Variants in SMARCA1 observed in about 807,000 individuals in gnomAD.
The protein encoded by SMARCA1 is SNF2 related chromatin remodeling ATPase 1, also known as SWI/SNF-related matrix-associated actin-dependent regulator of chromatin subfamily A member 1.
In SMARCA1, 17 loss-of-function variants were observed where a neutral mutation model predicts 93.6. The ratio of observed to expected loss-of-function variants is 0.18; its 90% CI spans 0.12 to 0.27. The LOEUF is 0.27. Among genes scored for constraint, SMARCA1 ranks in the 10% least tolerant of loss-of-function variants. SMARCA1 has a pLI of 1.00. For synonymous variants in SMARCA1, 271 were observed against 271.4 expected, an observed-to-expected ratio of 1.00 and a Z score of 0.01; for missense variants, 630 against 819.0, an observed-to-expected ratio of 0.77 and a Z score of 2.82.
At chrX:129,489,984 T>C in intron 15 of SMARCA1, 76 bp downstream of exon 15, 1 of 793,274 alleles carries the variant, frequency 1.3e-6, no homozygotes, top group Non-Finnish European at 1.8e-6. Context: ...TCAACTTTTA[T>C]TAAAAGTAAT....
chrX:129,518,104 C>T (rs1398699071), intron 2 of SMARCA1, among the ~76,000 whole-genome samples: 2 of 111,129 alleles, frequency 1.8e-5, no homozygotes, highest in African/African-American at 3.3e-5. Context: ...CAGAGAGCAC[C>T]GAACCAAAAT....
chrX:129,500,837 C>T (rs1047349724), intron 9 of SMARCA1, among the ~76,000 whole-genome samples: 9 of 111,612 alleles, frequency 8.1e-5, no homozygotes, highest in African/African-American at 2.9e-4. Flanking sequence ...TCTATGCGGT[C>T]CATCGTTGAC....
At chrX:129,456,923 C>A (rs1216414300) in intron 23 of SMARCA1, among the ~76,000 whole-genome samples, 1 of 112,273 alleles carries the variant, frequency 8.9e-6, no homozygotes, top group Non-Finnish European at 1.9e-5. Context: ...GTTAATAAAG[C>A]TTTGGCAAGA....
At chrX:129,494,199 T>G (rs1462637371) in intron 12 of SMARCA1, among the ~76,000 whole-genome samples, 1 of 111,698 alleles carries the variant, frequency 9.0e-6, no homozygotes, top group Non-Finnish European at 1.9e-5. Context: ...AATTGGCTAT[T>G]TGAGGTCAGA....
chrX:129,491,434 A>G (rs1934125501), intron 14 of SMARCA1, among the ~76,000 whole-genome samples: 1 of 111,635 alleles, frequency 9.0e-6, no homozygotes, highest in African/African-American at 3.2e-5. Context: ...TAAGTGTAGA[A>G]TAGCTTTTGC....
rs942592542 is a variant in SMARCA1, at chrX:129,507,050, A to C, written c.967-839T>G. ...ATGAACAAAAATGCACATTTTTATA[A>C]TGCTCTTAAATAAAAAATTATTCTC... On this transcript the variant is annotated intron_variant, in intron 7 of 24. Transcript: ENST00000371121. 5.4e-5 allele frequency among the ~76,000 whole-genome samples: 6 copies of C among 112,073 alleles called. No individual in the cohort carries two copies. In the East Asian group the frequency reaches 1.7e-3, roughly 31 times the overall value.
intron 10 of SMARCA1, among the ~76,000 whole-genome samples, chrX:129,498,415 C>T (rs1934418326): frequency 9.0e-6 from 1 of 111,640 alleles, no homozygotes; most frequent in African/African-American, 3.3e-5. Flanking sequence ...ATTTCTTATA[C>T]CTGTCTTCAC....
chrX:129,489,849 T>C (rs1040239466), intron 15 of SMARCA1, among the ~76,000 whole-genome samples: 3 of 112,156 alleles, frequency 2.7e-5, no homozygotes, highest in Non-Finnish European at 5.6e-5. Context: ...ATGACCTACC[T>C]CACCCAGCCT....
At position 129,523,399 on chromosome X, in the gene SMARCA1, C is replaced by T. The variant is rs146461342; in HGVS notation, c.-29G>A. The T allele has an allele frequency of 0.069, 78,119 of 1,132,325 alleles. 2,929 individuals carry two copies. Among genetic ancestry groups the T allele is most frequent in the East Asian group, 0.35 (11,232 of 32,143 alleles). 93.3% of individuals were successfully genotyped at this position (1,132,325 alleles called of 1,213,427 possible). On this transcript the variant is annotated 5_prime_UTR_variant, in exon 1 of 25. Transcript: ENST00000371121. ...GTGGGAGCGGGAACGAGTAGGGGGA[C>T]AAGGCAGGGGACGAGGGCTCCTGGG...
At chrX:129,460,880 A>G (rs1426327106) in intron 23 of SMARCA1, among the ~76,000 whole-genome samples, 2 of 112,265 alleles carry the variant, frequency 1.8e-5, no homozygotes, top group Non-Finnish European at 3.8e-5. Flanking sequence ...TGATAAGCCA[A>G]AAACAGGGAA....
chrX:129,505,563 A>G (rs1242848022), intron 8 of SMARCA1, among the ~76,000 whole-genome samples: 1 of 110,761 alleles, frequency 9.0e-6, no homozygotes, highest in Non-Finnish European at 1.9e-5. Flanking sequence ...AAGTTCTTAA[A>G]TCTTTCCATT....
chrX:129,474,639 CTA>C (rs1933288988), intron 19 of SMARCA1, among the ~76,000 whole-genome samples: 1 of 111,814 alleles, frequency 8.9e-6, no homozygotes, highest in African/African-American at 3.2e-5. Context: ...TTCATGAAAG[CTA>C]TGTTTGCTAT....
chrX:129,523,269 A>C lies in SMARCA1; in HGVS notation c.102T>G (p.Ser34=), dbSNP rs368015996. The change falls in exon 1 of 25, where the codon TCT becomes TCG. Residue 34 remains serine (S), a synonymous_variant. Coordinates refer to ENST00000371121, the MANE Select transcript of SMARCA1 (RefSeq NM_001282874.2). The stretch of plus-strand genomic sequence containing the variant: ...CCGCGGCGGCCGCTCCCTCCTCCTG[A>C]GAGGTGGACGGCCCGGGCTGCTCGT... ...IEDEQPGPST[S]QEEGAAAAAT... is the part of the protein sequence containing the mutation. The C allele has an allele frequency of 6.0e-5, 72 of 1,207,722 alleles. 1 individual carries two copies. The highest frequency in any genetic ancestry group is 5.6e-6 in the Non-Finnish European group (5 of 894,363).
intron 23 of SMARCA1, 30 bp from the exon 24 acceptor site, chrX:129,448,473 C>A: frequency 8.8e-7 from 1 of 1,130,487 alleles, no homozygotes; most frequent in Non-Finnish European, 1.2e-6. Flanking sequence ...TTTTTAATTT[C>A]TGCAACCCAA....
At chrX:129,473,181 G>A (rs567550533) in intron 19 of SMARCA1, among the ~76,000 whole-genome samples, 52 of 111,668 alleles carry the variant, frequency 4.7e-4, no homozygotes, top group African/African-American at 1.6e-3. Context: ...TTTTGAACAA[G>A]GGAGTAAAGT....
chrX:129,503,070 C>CT (rs919260758), intron 9 of SMARCA1, among the ~76,000 whole-genome samples: 5 of 111,692 alleles, frequency 4.5e-5, no homozygotes, highest in Non-Finnish European at 9.4e-5. Flanking sequence ...CTAATGTCTT[C>CT]TTTTTTCTTT....
chrX:129,506,331 G>A, intron 7 of SMARCA1, 120 bp from the exon 8 acceptor site: 1 of 534,749 alleles, frequency 1.9e-6, no homozygotes, highest in Non-Finnish European at 3.1e-6. Context: ...AATTTTCTAT[G>A]GAAAAATACC....
rs369574873 is a variant in SMARCA1 at position 129,501,699 on chromosome X, C to T, written c.1168-1858G>A. The stretch of plus-strand genomic sequence containing the variant: ...TGAGATCTCGGCTCACTGCAACCTC[C>T]GTCTCCCAGGTTCAAGCCATTCTCC... On this transcript the variant is annotated intron_variant, in intron 9 of 24. Transcript: ENST00000371121. 2.9e-4 allele frequency among the ~76,000 whole-genome samples: 30 copies of T among 104,423 alleles called. No individual in the cohort carries two copies. The East Asian group carries it at 3.0e-3, about 11-fold the overall frequency. 90.7% of individuals were successfully genotyped at this position (104,423 alleles called of 115,157 possible). A position where few individuals can be genotyped will look rare whatever the true frequency, so the allele number is the denominator to read the frequency against.
chrX:129,501,588 G>A (rs951812932), intron 9 of SMARCA1, among the ~76,000 whole-genome samples: 2 of 108,212 alleles, frequency 1.8e-5, no homozygotes, highest in Non-Finnish European at 3.8e-5. Context: ...GAGCCACTGC[G>A]CCCGGCCCGC....
Sources: allele counts gnomAD v4.1 joint callset (sites outside exome capture counted in the v4.1 genomes callset), GRCh38; gene constraint gnomAD v4.1.1; transcripts MANE v1.5; gene names NCBI Gene and HGNC (gene_info 2026-07-23, HGNC 2026-07-21).